ADAMTS20: variants seen among roughly 807,000 people sequenced by gnomAD.
ADAMTS20 encodes the protein A disintegrin and metalloproteinase with thrombospondin motifs 20.
Under a neutral mutation model 260.1 loss-of-function variants are expected in ADAMTS20, and 225 were observed. The observed-to-expected ratio is 0.87, with a 90% CI of 0.78 to 0.97. The LOEUF (loss-of-function observed/expected upper bound fraction) is 0.97, where lower values mean the gene tolerates loss of function less well. ADAMTS20 is among the 50% of genes least tolerant of loss of function. The pLI, the probability that ADAMTS20 is intolerant of heterozygous loss-of-function variation, is 0.00. For synonymous variants in ADAMTS20, 802 were observed against 769.5 expected (o/e 1.04, Z -0.70); for missense variants, 2,400 against 2,337.7 (o/e 1.03, Z -0.55).
rs1942066001 is a variant in ADAMTS20, at chr12:43,461,587, A to G, written c.1614+1308T>C. On this transcript the variant is annotated intron_variant, in intron 11 of 38. Transcript: ENST00000389420. ...CAGTAACTTGAAAAGTTGCTAAGGA[A>G]CAGAGGAAGGTGCCAGTCCTGGATT... Among the ~76,000 whole-genome samples, 3 of 152,272 alleles carry G rather than the reference A, an allele frequency of 2.0e-5. No homozygotes were observed. In the East Asian group the frequency reaches 5.8e-4, roughly 29 times the overall value.
At chr12:43,508,920 C>G (rs1942884203) in intron 3 of ADAMTS20, among the ~76,000 whole-genome samples, 1 of 151,978 alleles carries the variant, frequency 6.6e-6, no homozygotes, top group African/African-American at 2.4e-5. Context: ...CCAACCCTGA[C>G]AGGCCCCAGT....
intron 38 of ADAMTS20, among the ~76,000 whole-genome samples, chr12:43,355,900 AC>A (rs1284807165): frequency 2.6e-5 from 4 of 152,058 alleles, no homozygotes. Flanking sequence ...TATAAATACT[AC>A]ATAACAGTCT....
chr12:43,532,149 A>G lies in ADAMTS20; in HGVS notation c.500T>C (p.Ile167Thr), dbSNP rs765962045. The change falls in exon 3 of 39, where the codon ATA becomes ACA. Residue 167 changes from isoleucine to threonine, a missense_variant. Transcript: ENST00000389420. ...GQNGEYFLEP[I>T]MKADGNEYED... ...ATATTCATTCCCATCTGCCTTCATT[A>G]TAGGTTCTAAGAAATATTCACCGTT... is the stretch of plus-strand genomic sequence containing the variant. 2.5e-6 allele frequency: 4 copies of G among 1,611,984 alleles called. No individual in the cohort carries two copies. The highest frequency in any genetic ancestry group is 1.1e-5 in the South Asian group (1 of 90,922).
At chr12:43,468,840 A>T in intron 7 of ADAMTS20, 135 bp from the exon 8 acceptor site, 1 of 528,688 alleles carries the variant, frequency 1.9e-6, no homozygotes, top group Non-Finnish European at 3.3e-6. Flanking sequence ...ATATTGAATA[A>T]ACGTTTTAAA....
At chr12:43,434,766 C>T (rs571448485) in intron 18 of ADAMTS20, among the ~76,000 whole-genome samples, 5 of 152,278 alleles carry the variant, frequency 3.3e-5, no homozygotes, top group African/African-American at 9.6e-5. Context: ...GAGGATTGCA[C>T]ATCTCTATTG....
intron 28 of ADAMTS20, among the ~76,000 whole-genome samples, chr12:43,407,595 C>T (rs2137264710): frequency 6.6e-6 from 1 of 151,984 alleles, no homozygotes; most frequent in Admixed American, 6.6e-5. Flanking sequence ...GTATCTTGTA[C>T]AGAAATATTC....
Position 43,551,924 on chromosome 12 carries a change from T to G in ADAMTS20, c.-3A>C. On this transcript the variant is annotated 5_prime_UTR_variant, in exon 1 of 39. Transcript: ENST00000389420. This position sits in a 1 kb window ranked among gnomAD's most constrained non-coding sequence, Gnocchi z 4.6. ...GTCAGCCACTTGGCCACCCACATGG[T>G]TCCACCCTGGGGACCCCGATCGGGG... The G allele has an allele frequency of 6.2e-7, 1 of 1,613,200 alleles. No homozygotes were observed. The highest frequency in any genetic ancestry group is 1.1e-5 in the South Asian group (1 of 91,078).
Position 43,439,725 on chromosome 12 carries a change from G to T in ADAMTS20, c.2490C>A (p.Asn830Lys), listed in dbSNP as rs1253662653. 4 of 1,613,046 alleles carry T rather than the reference G, an allele frequency of 2.5e-6. No individual in the cohort carries two copies. The highest frequency in any genetic ancestry group is 2.2e-5 in the East Asian group (1 of 44,866). The change falls in exon 18 of 39, where the codon AAC (asparagine) becomes AAA (lysine). Residue 830 changes from asparagine (N) to lysine (K), a missense_variant. Physicochemically the swap from Asn to Lys is moderately conservative, Grantham distance 94. Transcript: ENST00000389420. ...TATTGAAGGAATAATGTACATCAGG[G>T]TTGTATAAATTACCCACACACAACA... ...LQVLCVGNLY[N>K]PDVHYSFNIP...
At chr12:43,432,567 G>T in intron 20 of ADAMTS20, 34 bp downstream of exon 20, 1 of 1,606,326 alleles carries the variant, frequency 6.2e-7, no homozygotes, top group Non-Finnish European at 8.5e-7. Context: ...GAAAGAAAGG[G>T]GCAACTTTTT....
chr12:43,360,042 A>T (rs1939832843), intron 37 of ADAMTS20, among the ~76,000 whole-genome samples: 1 of 152,230 alleles, frequency 6.6e-6, no homozygotes, highest in African/African-American at 2.4e-5. Context: ...AAGAAAAGAC[A>T]AGGTTCGGAC....
intron 37 of ADAMTS20, among the ~76,000 whole-genome samples, chr12:43,367,744 T>G (rs1196496859): frequency 1.3e-5 from 2 of 152,062 alleles, no homozygotes; most frequent in South Asian, 2.1e-4. Flanking sequence ...GGAAGTAAAA[T>G]TATCTTTATT....
At chr12:43,460,285 C>A (rs1303291480) in intron 11 of ADAMTS20, among the ~76,000 whole-genome samples, 1 of 152,142 alleles carries the variant, frequency 6.6e-6, no homozygotes, top group South Asian at 2.1e-4. Context: ...CCATGCCTAT[C>A]CTACCATCTC....
chr12:43,385,509 A>T (rs1940453086), intron 29 of ADAMTS20, among the ~76,000 whole-genome samples: 1 of 152,188 alleles, frequency 6.6e-6, no homozygotes, highest in South Asian at 2.1e-4. Flanking sequence ...TGTTTTAGTC[A>T]TGAAGTCTTT....
rs1055238687 is a variant in ADAMTS20, at chr12:43,364,901, A to T, written c.5538+4389T>A. On this transcript the variant is annotated intron_variant, in intron 37 of 38. Coordinates refer to ENST00000389420, the MANE Select transcript of ADAMTS20 (RefSeq NM_025003.5). ...ATCAGTGAAACTTATTAATTTACCC[A>T]TCCAAGAAGCTTAGTGGACTCCAAG... 1.2e-4 allele frequency among the ~76,000 whole-genome samples: 18 copies of T among 152,148 alleles called. 1 individual carries two copies. The highest frequency in any genetic ancestry group is 4.1e-4 in the African/African-American group (17 of 41,444).
chr12:43,472,533 G>A (rs1161592674), intron 7 of ADAMTS20, among the ~76,000 whole-genome samples: 1 of 135,336 alleles, frequency 7.4e-6, no homozygotes, highest in East Asian at 2.3e-4. Flanking sequence ...ACACATAATT[G>A]TCAGATTCAC....
intron 28 of ADAMTS20, among the ~76,000 whole-genome samples, chr12:43,415,276 C>T (rs1385473219): frequency 6.6e-6 from 1 of 151,790 alleles, no homozygotes. Context: ...TCTACATAGG[C>T]GTGTTCACTT....
intron 11 of ADAMTS20, among the ~76,000 whole-genome samples, chr12:43,460,603 G>A (rs969799543): frequency 2.0e-5 from 3 of 152,064 alleles, no homozygotes; most frequent in East Asian, 1.9e-4. Flanking sequence ...AAACACAAAC[G>A]TATGTCTACA....
chr12:43,423,975 TA>T, intron 28 of ADAMTS20: 1 of 681,098 alleles, frequency 1.5e-6, no homozygotes, highest in Non-Finnish European at 2.7e-6. Context: ...ACACTTTGAC[TA>T]TAAAGATGAA....
chr12:43,541,744 G>T, intron 2 of ADAMTS20, among the ~76,000 whole-genome samples: 1 of 151,462 alleles, frequency 6.6e-6, no homozygotes, highest in South Asian at 2.1e-4. Context: ...GCATAAAACA[G>T]AAAATTCATA....
Sources: allele counts gnomAD v4.1 joint callset (sites outside exome capture counted in the v4.1 genomes callset), GRCh38; gene constraint gnomAD v4.1.1; non-coding constraint Gnocchi (gnomAD v3.1); transcripts MANE v1.5; gene names NCBI Gene and HGNC (gene_info 2026-07-23, HGNC 2026-07-21).